Variants in NPLOC4 observed in about 807,000 individuals in gnomAD.
NPLOC4 encodes nuclear protein localization protein 4 homolog.
Under a neutral mutation model 80.6 loss-of-function variants are expected in NPLOC4, and 18 were observed. That is an observed-to-expected ratio of 0.22 (90% CI 0.15 to 0.33). The LOEUF is 0.33. NPLOC4 is among the 10% of genes least tolerant of loss of function. The pLI is 1.00. For missense variants in NPLOC4, 540 were observed against 786.1 expected (o/e 0.69, Z 3.74); for synonymous variants, 313 against 301.5 (o/e 1.04, Z -0.39).
At chr17:81,589,999 G>A (rs1311307084) in intron 11 of NPLOC4, among the ~76,000 whole-genome samples, 3 of 152,170 alleles carry the variant, frequency 2.0e-5, no homozygotes, top group Non-Finnish European at 4.4e-5. Flanking sequence ...AGGATGGGAG[G>A]ATAAATTCAT....
At chr17:81,571,798 TA>T (rs2034167399) in intron 13 of NPLOC4, among the ~76,000 whole-genome samples, 1 of 152,178 alleles carries the variant, frequency 6.6e-6, no homozygotes, top group African/African-American at 2.4e-5. Context: ...AACCTGAGAC[TA>T]AAACAAAAAG....
intron 3 of NPLOC4, among the ~76,000 whole-genome samples, chr17:81,620,746 C>T (rs943303025): frequency 5.3e-5 from 8 of 152,122 alleles, no homozygotes; most frequent in African/African-American, 1.4e-4. Context: ...GCGGGACAAG[C>T]GTGGTCGTGA....
intron 4 of NPLOC4, 178 bp downstream of exon 4, chr17:81,613,139 AC>A: frequency 2.4e-5 from 13 of 551,522 alleles, no homozygotes; most frequent in East Asian, 1.8e-4. Context: ...AAAAAAAAAA[AC>A]AAAAACCGAT....
intron 5 of NPLOC4, among the ~76,000 whole-genome samples, chr17:81,609,311 T>C (rs974265067): frequency 1.4e-4 from 22 of 152,144 alleles, no homozygotes; most frequent in African/African-American, 5.3e-4. Context: ...AGCCACTGAG[T>C]CTGGCCAATT....
In NPLOC4 at chr17:81,567,862, G is replaced by T. The variant is rs1172411720; in HGVS notation, c.1450-329C>A. ...TTTTAGGAGGCCGAGGCAGGCAGGT[G>T]GTCAGGAGTTCGAGACCAGTCTGGC... On this transcript the variant is annotated intron_variant, in intron 14 of 16. Transcript: ENST00000331134. The surrounding 1 kb of genome is among the most constrained non-coding windows in gnomAD (Gnocchi z 4.5). 8.9e-6 allele frequency: 2 copies of T among 224,088 alleles called. No homozygotes were observed. The highest frequency in any genetic ancestry group is 1.0e-4 in the Admixed American group (2 of 19,214). The allele number at this position is 224,088 out of a possible 1,614,324, so 13.9% of individuals were successfully genotyped here. A position where few individuals can be genotyped will look rare whatever the true frequency, so the allele number is the denominator to read the frequency against.
chr17:81,564,118 A>ACACACACACACACACACACACACAC (rs1568114631), intron 16 of NPLOC4: 7 of 323,900 alleles, frequency 2.2e-5, no homozygotes, highest in African/African-American at 1.6e-4. Flanking sequence ...ACACACACAC[A>ACACACACACACACACACACACACAC]AAGAGCAGGG....
chr17:81,602,489 G>C (rs1195543891), intron 8 of NPLOC4, among the ~76,000 whole-genome samples: 1 of 152,016 alleles, frequency 6.6e-6, no homozygotes, highest in Non-Finnish European at 1.5e-5. Flanking sequence ...TGGATCACGA[G>C]GTCAGGAGTT....
chr17:81,571,587 C>A (rs932474563), intron 13 of NPLOC4, among the ~76,000 whole-genome samples: 2 of 152,172 alleles, frequency 1.3e-5, no homozygotes, highest in African/African-American at 4.8e-5. Context: ...GGGGCTAGGG[C>A]AAGCACCTGC....
At chr17:81,588,826 G>A in intron 12 of NPLOC4, 118 bp downstream of exon 12, 1 of 831,630 alleles carries the variant, frequency 1.2e-6, no homozygotes, top group Non-Finnish European at 1.9e-6. Context: ...TGACAAGCAG[G>A]GTTCAACCAC....
In NPLOC4 at chr17:81,608,836, G is replaced by A; in HGVS notation, c.436-14C>T. On this transcript the variant is annotated splice_polypyrimidine_tract_variant and intron_variant, in intron 5 of 16. Coordinates refer to ENST00000331134, the MANE Select transcript of NPLOC4 (RefSeq NM_017921.4). ...CTCATCGAATGGCTGCCAAGACACAGAGTAAGCGAGTGCAGTCTCACACGT... is the reference window on the plus strand; with the variant it reads ...CTCATCGAATGGCTGCCAAGACACAAAGTAAGCGAGTGCAGTCTCACACGT... 1 of 1,560,860 alleles carries A rather than the reference G, an allele frequency of 6.4e-7. No individual in the cohort carries two copies. The highest frequency in any genetic ancestry group is 1.2e-5 in the South Asian group (1 of 84,878).
intron 3 of NPLOC4, among the ~76,000 whole-genome samples, chr17:81,613,713 C>A (rs1005664656): frequency 6.6e-6 from 1 of 152,160 alleles, no homozygotes; most frequent in African/African-American, 2.4e-5. Flanking sequence ...TAATCTCTTA[C>A]AACTTTACCT....
At chr17:81,635,732 G>C (rs548556113) in intron 1 of NPLOC4, among the ~76,000 whole-genome samples, 2 of 152,118 alleles carry the variant, frequency 1.3e-5, no homozygotes, top group African/African-American at 4.8e-5. Context: ...GACAACACCT[G>C]GCAAAACTGC....
At chr17:81,627,085 G>A (rs535362188) in intron 2 of NPLOC4, among the ~76,000 whole-genome samples, 4 of 145,570 alleles carry the variant, frequency 2.7e-5, no homozygotes, top group East Asian at 2.1e-4. Flanking sequence ...ATGAGACTTC[G>A]TCTCAAAAAA....
intron 1 of NPLOC4, chr17:81,636,616 G>A (rs534409934): frequency 5.7e-4 from 172 of 300,332 alleles, no homozygotes; most frequent in Non-Finnish European, 8.9e-4. Context: ...AAACGGGTGG[G>A]GAAGGAGGGC....
intron 6 of NPLOC4, among the ~76,000 whole-genome samples, chr17:81,607,405 AAAAAG>A (rs77609718): frequency 6.6e-6 from 1 of 151,748 alleles, no homozygotes; most frequent in East Asian, 1.9e-4. Flanking sequence ...AAAAAAAAAA[AAAAAG>A]AAATCTGTAT....
chr17:81,590,574 G>A (rs1480187824), intron 11 of NPLOC4, among the ~76,000 whole-genome samples: 1 of 152,028 alleles, frequency 6.6e-6, no homozygotes, highest in African/African-American at 2.4e-5. Flanking sequence ...TCTAACTCCT[G>A]GCCCCATGTG....
intron 2 of NPLOC4, among the ~76,000 whole-genome samples, chr17:81,626,064 G>A (rs376163103): frequency 6.6e-6 from 1 of 151,422 alleles, no homozygotes; most frequent in Admixed American, 6.6e-5. Flanking sequence ...CAGGAGAATC[G>A]CTTGAACCTG....
rs117233315 is a variant in NPLOC4 at position 81,565,913 on chromosome 17, G to A, written c.1567-306C>T. On this transcript the variant is annotated intron_variant, in intron 15 of 16. Coordinates refer to ENST00000331134, the MANE Select transcript of NPLOC4 (RefSeq NM_017921.4). Reference sequence around the variant, plus strand: ...TGCCTCTCGTCCTGGAGGCTGGGATGGAGGGCGGAAGTCTTGACTGTGAGA... The same window carrying A: ...TGCCTCTCGTCCTGGAGGCTGGGATAGAGGGCGGAAGTCTTGACTGTGAGA... Among the ~76,000 whole-genome samples, 100 of 152,340 alleles carry A rather than the reference G, an allele frequency of 6.6e-4. 1 individual carries two copies. In the East Asian group the frequency reaches 0.017, roughly 25 times the overall value.
intron 13 of NPLOC4, among the ~76,000 whole-genome samples, chr17:81,571,590 G>A (rs1314647539): frequency 6.6e-6 from 1 of 152,178 alleles, no homozygotes; most frequent in East Asian, 1.9e-4. Context: ...GCTAGGGCAA[G>A]CACCTGCACG....
Sources: allele counts gnomAD v4.1 joint callset (sites outside exome capture counted in the v4.1 genomes callset), GRCh38; gene constraint gnomAD v4.1.1; non-coding constraint Gnocchi (gnomAD v3.1); transcripts MANE v1.5; gene names NCBI Gene and HGNC (gene_info 2026-07-23, HGNC 2026-07-21).